TRIM6: variants seen among roughly 807,000 people sequenced by gnomAD.
The protein encoded by TRIM6 is tripartite motif-containing protein 6.
Under a neutral mutation model 51.2 loss-of-function variants are expected in TRIM6, and 43 were observed. The observed-to-expected ratio is 0.84, with a 90% CI of 0.66 to 1.08. The LOEUF (loss-of-function observed/expected upper bound fraction) is 1.08, where lower values mean the gene tolerates loss of function less well. TRIM6 is among the 50% of genes least tolerant of loss of function. The pLI, the probability that TRIM6 is intolerant of heterozygous loss-of-function variation, is 0.00. For synonymous variants in TRIM6, 215 were observed against 232.4 expected, an observed-to-expected ratio of 0.93 and a Z score of 0.68; for missense variants, 669 against 619.0, an observed-to-expected ratio of 1.08 and a Z score of -0.86.
intron 5 of TRIM6, 32 bp from the exon 6 acceptor site, chr11:5,610,113 G>T (rs775091833): frequency 1.2e-6 from 2 of 1,607,800 alleles, no homozygotes; most frequent in East Asian, 2.2e-5. Context: ...ACAGTCAGCA[G>T]TGTGGGAACT....
In TRIM6 at chr11:5,610,994, C is replaced by CAAA. The variant is rs1156903742; in HGVS notation, c.1205_1206insAAA (p.Ser401_Asn402insLys). The CAAA allele has an allele frequency of 6.2e-7, 1 of 1,614,120 alleles. No individual in the cohort carries two copies. Among genetic ancestry groups the CAAA allele is most frequent in the South Asian group, 1.1e-5 (1 of 91,074 alleles). On this transcript the variant is annotated inframe_insertion, in exon 8 of 8. Coordinates refer to ENST00000380097, the MANE Select transcript of TRIM6 (RefSeq NM_001003818.3). Reference sequence around the variant, plus strand: ...CTGCCTGGATCCTGGGGGTATGCAGCAATTCACTGGGACCTACATTCTCTT... The same window carrying CAAA: ...CTGCCTGGATCCTGGGGGTATGCAGCAAAAATTCACTGGGACCTACATTCTCTT...
chr11:5,598,938 A>G (rs1847647783), intron 1 of TRIM6, among the ~76,000 whole-genome samples: 1 of 152,048 alleles, frequency 6.6e-6, no homozygotes, highest in South Asian at 2.1e-4. Context: ...TCACCCTTCA[A>G]ATTTCCTTAT....
At chr11:5,608,427 T>C (rs750690093) in intron 5 of TRIM6, 33 bp downstream of exon 5, 142 of 1,612,268 alleles carry the variant, frequency 8.8e-5, no homozygotes, top group Non-Finnish European at 1.1e-4. Flanking sequence ...GTAGTTCCCC[T>C]GGACTGACAA....
rs761678419 is a variant in TRIM6 at position 5,603,633 on chromosome 11, C to T, written c.405C>T (p.Phe135=). The T allele has an allele frequency of 1.9e-6, 3 of 1,613,582 alleles. No individual in the cohort carries two copies. In the South Asian group the frequency reaches 3.3e-5, roughly 18 times the overall value. ...CADHGEKLQL[F]CQEDGKVICW... is the part of the protein sequence containing the mutation. The stretch of plus-strand genomic sequence containing the variant: ...ACCATGGAGAAAAACTGCAGCTCTT[C>T]TGTCAGGAGGATGGGAAGGTCATTT... The change falls in exon 2 of 8, where the codon TTC becomes TTT. Residue 135 remains phenylalanine, a synonymous_variant. Coordinates refer to ENST00000380097, the MANE Select transcript of TRIM6 (RefSeq NM_001003818.3).
In TRIM6 at chr11:5,604,993, G is replaced by C. The variant is rs145970856; in HGVS notation, c.604-344G>C. ...TGTGAAGAAGCCCAGATCTGAGACA[G>C]GTTAGTCACAGGCCAGTGATTTCCA... On this transcript the variant is annotated intron_variant, in intron 3 of 7. Transcript: ENST00000380097. Among the ~76,000 whole-genome samples, 124 of 151,740 alleles carry C rather than the reference G, an allele frequency of 8.2e-4. 3 individuals are homozygous for C. In the East Asian group the frequency reaches 0.014, roughly 17 times the overall value.
chr11:5,598,766 C>G (rs1337646468), intron 1 of TRIM6, among the ~76,000 whole-genome samples: 1 of 152,138 alleles, frequency 6.6e-6, no homozygotes, highest in Non-Finnish European at 1.5e-5. Context: ...AGAAACCAAG[C>G]TTTTAATTTT....
chr11:5,604,000 C>T (rs1458689997), intron 2 of TRIM6, among the ~76,000 whole-genome samples: 1 of 151,678 alleles, frequency 6.6e-6, no homozygotes, highest in African/African-American at 2.4e-5. Flanking sequence ...TTTATTTACT[C>T]ATGTATTTAT....
intron 4 of TRIM6, 121 bp from the exon 5 acceptor site, chr11:5,608,251 G>C: frequency 7.0e-7 from 1 of 1,432,732 alleles, no homozygotes; most frequent in Non-Finnish European, 9.4e-7. Flanking sequence ...CTACTTTGTG[G>C]CCTCCACATT....
At chr11:5,603,132 A>T in intron 1 of TRIM6, 114 bp from the exon 2 acceptor site, 1 of 1,492,022 alleles carries the variant, frequency 6.7e-7, no homozygotes, top group Non-Finnish European at 8.9e-7. Flanking sequence ...TGAGAATGAG[A>T]AGCCCTTGTT....
chr11:5,603,819 T>C (rs1366099098), intron 2 of TRIM6, 84 bp downstream of exon 2: 12 of 1,510,894 alleles, frequency 7.9e-6, no homozygotes, highest in Non-Finnish European at 8.8e-6. Flanking sequence ...ATCTAATCTC[T>C]TTGTAGTCTT....
intron 4 of TRIM6, among the ~76,000 whole-genome samples, chr11:5,606,209 C>G (rs1385498377): frequency 6.6e-6 from 1 of 152,206 alleles, no homozygotes; most frequent in Non-Finnish European, 1.5e-5. Flanking sequence ...ACTCTCTTCT[C>G]TAGAGCAGAA....
chr11:5,605,570 A>G lies in TRIM6; in HGVS notation c.834+3A>G. 1 of 1,609,628 alleles carries G rather than the reference A, an allele frequency of 6.2e-7. No homozygotes were observed. The highest frequency in any genetic ancestry group is 1.7e-4 in the Middle Eastern group (1 of 6,012). On this transcript the variant is annotated splice_donor_region_variant and intron_variant, in intron 4 of 7. Coordinates refer to ENST00000380097, the MANE Select transcript of TRIM6 (RefSeq NM_001003818.3). The stretch of plus-strand genomic sequence containing the variant: ...GGTCAACAATGGAGCTGCTGCAGGT[A>G]AGGCTTGTGAAGGAGCCCAGATCTG...
In TRIM6 at chr11:5,603,377, T is replaced by A; in HGVS notation, c.149T>A (p.Leu50Gln). 6.2e-7 allele frequency: 1 copy of A among 1,614,068 alleles called. No individual in the cohort carries two copies. Among genetic ancestry groups the A allele is most frequent in the African/African-American group, 1.3e-5 (1 of 75,016 alleles). Residue 50 changes from leucine to glutamine, a missense_variant, in exon 2 of 8, where the codon CTA (leucine) becomes CAA (glutamine). By Grantham distance (113) the Leu-to-Gln change is moderately radical (BLOSUM62 -2). Coordinates refer to ENST00000380097, the MANE Select transcript of TRIM6 (RefSeq NM_001003818.3). ...ACCTGCCCTATCTGCCTGGAGCTCC[T>A]AACAGAACCCCTGAGCATAGACTGT... is the stretch of plus-strand genomic sequence containing the variant. ...EVTCPICLEL[L>Q]TEPLSIDCGH... is the part of the protein sequence containing the mutation.
At chr11:5,605,277 A>G in intron 3 of TRIM6, 60 bp from the exon 4 acceptor site, 11 of 1,609,274 alleles carry the variant, frequency 6.8e-6, no homozygotes, top group Non-Finnish European at 9.3e-6. Flanking sequence ...CCCCGCTTTT[A>G]ATAGAGGAGA....
intron 4 of TRIM6, among the ~76,000 whole-genome samples, chr11:5,608,045 A>G (rs1848330598): frequency 6.6e-6 from 1 of 152,244 alleles, no homozygotes; most frequent in Admixed American, 6.5e-5. Context: ...AAGGATAGAA[A>G]TTATGACTTC....
intron 1 of TRIM6, among the ~76,000 whole-genome samples, chr11:5,600,447 A>G (rs1385318011): frequency 6.6e-6 from 1 of 152,196 alleles, no homozygotes; most frequent in Non-Finnish European, 1.5e-5. Context: ...GCACCACAGA[A>G]CACTAGATGG....
chr11:5,608,558 A>T (rs1210040993), intron 5 of TRIM6, among the ~76,000 whole-genome samples, 164 bp downstream of exon 5: 1 of 152,068 alleles, frequency 6.6e-6, no homozygotes, highest in Non-Finnish European at 1.5e-5. Context: ...AAAGGGGATG[A>T]ACTGGCCTCT....
Position 5,596,771 on chromosome 11 carries a change from T to A in TRIM6, c.-127T>A. The A allele has an allele frequency of 6.9e-6, 10 of 1,454,060 alleles. 1 individual carries two copies. The South Asian group carries it at 1.1e-4, about 17-fold the overall frequency. 90.1% of individuals were successfully genotyped at this position (1,454,060 alleles called of 1,614,324 possible). On this transcript the variant is annotated 5_prime_UTR_variant, in exon 1 of 8. Coordinates refer to ENST00000380097, the MANE Select transcript of TRIM6 (RefSeq NM_001003818.3). ...GGAGCAGAGTCGTGCGTGGTTGAGT[T>A]TAGATAAAAGCCGAGTGAGCGCGCT...
At chr11:5,604,723 T>A in intron 3 of TRIM6, 94 bp downstream of exon 3, 1 of 1,329,112 alleles carries the variant, frequency 7.5e-7, no homozygotes, top group Non-Finnish European at 1.0e-6. Context: ...GTCTGTCCTC[T>A]GATGCCATGA....
Sources: gnomAD v4.1 joint callset for allele counts (sites outside exome capture counted in the v4.1 genomes callset) on GRCh38, gnomAD v4.1.1 for gene constraint, MANE v1.5 for transcripts, NCBI Gene and HGNC (gene_info 2026-07-23, HGNC 2026-07-21) for gene names.